ZNF827: variants seen among roughly 807,000 people sequenced by gnomAD.
ZNF827 encodes the protein zinc finger protein 827.
In ZNF827, 13 loss-of-function variants were observed where a neutral mutation model predicts 102.4. The ratio of observed to expected loss-of-function variants is 0.13; its 90% CI spans 0.08 to 0.20. ZNF827 has a LOEUF of 0.20. ZNF827 is among the 10% of genes least tolerant of loss of function. The probability of loss-of-function intolerance (pLI) is 1.00; values close to 1 mark genes in which losing one functional copy is unlikely to be tolerated. For synonymous variants in ZNF827, 523 were observed against 536.2 expected (o/e 0.98, Z 0.34); for missense variants, 1,103 against 1,344.4 (o/e 0.82, Z 2.81).
chr4:145,857,984 T>C (rs1377825233), intron 5 of ZNF827, among the ~76,000 whole-genome samples: 1 of 152,240 alleles, frequency 6.6e-6, no homozygotes, highest in Admixed American at 6.5e-5. Flanking sequence ...AAAGGGTCAA[T>C]TAAAGTATCT....
At chr4:145,853,123 C>T (rs1453315221) in intron 5 of ZNF827, among the ~76,000 whole-genome samples, 1 of 152,234 alleles carries the variant, frequency 6.6e-6, no homozygotes, top group Non-Finnish European at 1.5e-5. Flanking sequence ...TCATTTCTAG[C>T]CTAGGCCTGG....
intron 1 of ZNF827, among the ~76,000 whole-genome samples, chr4:145,925,347 G>A (rs1753350295): frequency 6.6e-6 from 1 of 152,174 alleles, no homozygotes; most frequent in Admixed American, 6.5e-5. Flanking sequence ...TCACTTCCTT[G>A]AGGATGCTTT....
intron 1 of ZNF827, among the ~76,000 whole-genome samples, chr4:145,912,522 T>A (rs2126929975): frequency 6.6e-6 from 1 of 152,324 alleles, no homozygotes; most frequent in Middle Eastern, 3.4e-3. Flanking sequence ...ATATTGAAGT[T>A]CTAACCCCCA....
chr4:145,857,767 T>C (rs1353009509), intron 5 of ZNF827, among the ~76,000 whole-genome samples: 1 of 152,182 alleles, frequency 6.6e-6, no homozygotes, highest in African/African-American at 2.4e-5. Context: ...TGGTGTTAAA[T>C]GTAAAACCTC....
chr4:145,807,327 A>T (rs780459243), intron 8 of ZNF827, among the ~76,000 whole-genome samples: 7 of 152,186 alleles, frequency 4.6e-5, no homozygotes, highest in Admixed American at 1.3e-4. Context: ...TAAACATTTA[A>T]TTTTTCTTTA....
intron 8 of ZNF827, among the ~76,000 whole-genome samples, chr4:145,781,195 C>CAAAAAAAAAAAAAAAAAAAAGA (rs1737946510): frequency 7.1e-5 from 4 of 56,546 alleles, no homozygotes; most frequent in South Asian, 1.1e-3. Context: ...GACACCATCT[C>CAAAAAAAAAAAAAAAAAAAAGA]AAAAAAAAAA....
At chr4:145,886,192 C>A in intron 3 of ZNF827, 34 bp from the exon 4 acceptor site, 2 of 1,545,504 alleles carry the variant, frequency 1.3e-6, no homozygotes, top group East Asian at 2.3e-5. Context: ...AGCTAGCCAC[C>A]GTGCATTTAT....
intron 1 of ZNF827, among the ~76,000 whole-genome samples, chr4:145,936,030 C>T (rs1754138511): frequency 6.6e-6 from 1 of 152,012 alleles, no homozygotes; most frequent in Non-Finnish European, 1.5e-5. Context: ...GACCAAATAA[C>T]CTCACCGCCC....
rs1231330773 is a variant in ZNF827, at chr4:145,878,592, CAGGACAGGACAGGAA to C, written c.1747+7071_1747+7085del. Reference sequence around the variant, plus strand: ...CAGGACAGGACAGGACAGGACAGGACAGGACAGGACAGGAAAGGAAAGGAAAGGAAAGGAAAGGAA... The same window carrying C: ...CAGGACAGGACAGGACAGGACAGGACAGGAAAGGAAAGGAAAGGAAAGGAA... On this transcript the variant is annotated intron_variant, in intron 4 of 14. Coordinates refer to ENST00000508784, the MANE Select transcript of ZNF827 (RefSeq NM_001306215.2). Among the ~76,000 whole-genome samples the C allele has an allele frequency of 7.5e-3, 893 of 119,628 alleles. 6 individuals are homozygous for C. Among genetic ancestry groups the C allele is most frequent in the Non-Finnish European group, 0.01 (603 of 59,148 alleles). 78.5% of individuals were successfully genotyped at this position (119,628 alleles called of 152,430 possible). A position where few individuals can be genotyped will look rare whatever the true frequency, so the allele number is the denominator to read the frequency against.
intron 1 of ZNF827, among the ~76,000 whole-genome samples, chr4:145,919,140 G>C (rs1253808198): frequency 1.3e-5 from 2 of 152,088 alleles, no homozygotes; most frequent in Non-Finnish European, 2.9e-5. Flanking sequence ...TCTAGTACCA[G>C]CTACTTGGGA....
intron 2 of ZNF827, among the ~76,000 whole-genome samples, chr4:145,900,299 G>A (rs999323078): frequency 6.6e-6 from 1 of 152,112 alleles, no homozygotes; most frequent in Non-Finnish European, 1.5e-5. Context: ...TATTAACTTT[G>A]CATAAGCTTT....
intron 8 of ZNF827, among the ~76,000 whole-genome samples, chr4:145,802,380 CTTCAAAGGTCTAG>C (rs1464266929): frequency 6.6e-6 from 1 of 152,202 alleles, no homozygotes; most frequent in Non-Finnish European, 1.5e-5. Context: ...TTGGGCACAA[CTTCAAAGGTCTAG>C]TTCAGGAACA....
At chr4:145,793,139 A>G (rs903118220) in intron 8 of ZNF827, among the ~76,000 whole-genome samples, 16 of 151,212 alleles carry the variant, frequency 1.1e-4, no homozygotes, top group African/African-American at 3.9e-4. Flanking sequence ...GATGCATGAC[A>G]TATGTAATTT....
chr4:145,833,895 CCCCAA>C (rs1275741384), intron 7 of ZNF827, among the ~76,000 whole-genome samples: 4 of 151,946 alleles, frequency 2.6e-5, no homozygotes, highest in Non-Finnish European at 4.4e-5. Flanking sequence ...TATCTCTGTG[CCCCAA>C]CCCCTTTTCC....
chr4:145,902,372 G>T lies in ZNF827; in HGVS notation c.887C>A (p.Ala296Glu). ...AGCCAGAAGACTGCCCGCAGCCCTT[G>T]CGGCCACCTCCTTCAGAAGGGCCGC... ...SSAALLKEVAARAAGSLLAEK... is the reference protein window; with the variant it reads ...SSAALLKEVAERAAGSLLAEK... Residue 296 changes from alanine to glutamate, a missense_variant, in exon 2 of 15, where the codon GCA (alanine) becomes GAA (glutamate). Ala to Glu is a moderately radical substitution (Grantham distance 107, BLOSUM62 -1). Transcript: ENST00000508784. This position sits in a 1 kb window ranked among gnomAD's most constrained non-coding sequence, Gnocchi z 4.3. 1 of 1,612,314 alleles carries T rather than the reference G, an allele frequency of 6.2e-7. No homozygotes were observed. The highest frequency in any genetic ancestry group is 8.5e-7 in the Non-Finnish European group (1 of 1,178,742).
In ZNF827 at chr4:145,921,719, G is replaced by A. The variant is rs541295547; in HGVS notation, c.43+16646C>T. 2.6e-5 allele frequency among the ~76,000 whole-genome samples: 4 copies of A among 152,196 alleles called. No homozygotes were observed. The South Asian group carries it at 8.3e-4, about 32-fold the overall frequency. On this transcript the variant is annotated intron_variant, in intron 1 of 14. Coordinates refer to ENST00000508784, the MANE Select transcript of ZNF827 (RefSeq NM_001306215.2). Reference sequence around the variant, plus strand: ...AGTGGGTTCATGGACAATGAGGACAGCAACCCAGAAAAAGAAGACACGAAG... The same window carrying A: ...AGTGGGTTCATGGACAATGAGGACAACAACCCAGAAAAAGAAGACACGAAG...
rs772779739 is a variant in ZNF827, at chr4:145,903,178, A to G, written c.81T>C (p.Ser27=). 4.3e-6 allele frequency: 7 copies of G among 1,613,484 alleles called. No individual in the cohort carries two copies. The Admixed American group carries it at 1.0e-4, about 23-fold the overall frequency. ...SRQEEAEGEL[S]EGEHWYGNSS... ...AGTTTCCATACCAGTGTTCTCCTTCACTGAGCTCTCCCTCCGCCTCTTCCT... is the reference window on the plus strand; with the variant it reads ...AGTTTCCATACCAGTGTTCTCCTTCGCTGAGCTCTCCCTCCGCCTCTTCCT... The change falls in exon 2 of 15, where the codon AGT becomes AGC. Residue 27 remains serine (S), a synonymous_variant. Coordinates refer to ENST00000508784, the MANE Select transcript of ZNF827 (RefSeq NM_001306215.2).
intron 11 of ZNF827, among the ~76,000 whole-genome samples, chr4:145,772,177 A>C (rs778277984): frequency 2.0e-5 from 3 of 152,238 alleles, no homozygotes; most frequent in Admixed American, 6.5e-5. Context: ...ATGTGCACAG[A>C]TGAGCTTGCA....
At chr4:145,776,654 G>A (rs934820904) in intron 9 of ZNF827, among the ~76,000 whole-genome samples, 1 of 152,040 alleles carries the variant, frequency 6.6e-6, no homozygotes, top group African/African-American at 2.4e-5. Context: ...ATGGGTGAGT[G>A]CTGAGCAGGG....
Sources: gnomAD v4.1 joint callset for allele counts (sites outside exome capture counted in the v4.1 genomes callset) on GRCh38, gnomAD v4.1.1 for gene constraint, Gnocchi (gnomAD v3.1) non-coding constraint, MANE v1.5 for transcripts, NCBI Gene and HGNC (gene_info 2026-07-23, HGNC 2026-07-21) for gene names.